Variants in ACYP2 observed in about 807,000 individuals in gnomAD.
ACYP2 encodes the protein acylphosphatase-2.
In ACYP2, 12 loss-of-function variants were observed where a neutral mutation model predicts 11.2. That is an observed-to-expected ratio of 1.08 (90% confidence interval 0.69 to 1.74). The LOEUF is 1.74. Ranked by LOEUF, ACYP2 falls within the 40% of genes most tolerant of loss-of-function variation. The pLI, the probability that ACYP2 is intolerant of heterozygous loss-of-function variation, is 0.00. For missense variants in ACYP2, 134 were observed against 101.9 expected (o/e 1.31, Z -1.35); for synonymous variants, 43 against 32.2 (o/e 1.33, Z -1.13).
At chr2:54,106,847 G>A (rs998343646) in intron 4 of ACYP2, among the ~76,000 whole-genome samples, 16 of 152,120 alleles carry the variant, frequency 1.1e-4, no homozygotes, top group Non-Finnish European at 5.9e-5. Flanking sequence ...GCCTCCCAAA[G>A]TGTTGGGATT....
intron 6 of ACYP2, among the ~76,000 whole-genome samples, chr2:54,176,942 C>G (rs1417465299): frequency 6.6e-6 from 1 of 152,174 alleles, no homozygotes; most frequent in East Asian, 1.9e-4. Flanking sequence ...CTCTGTCAAT[C>G]CAGCTTCCCT....
At chr2:54,106,833 C>T (rs1009786622) in intron 4 of ACYP2, among the ~76,000 whole-genome samples, 3 of 152,162 alleles carry the variant, frequency 2.0e-5, no homozygotes, top group Non-Finnish European at 4.4e-5. Flanking sequence ...TCCGCCCCCC[C>T]TCGGCCTCCC....
intron 6 of ACYP2, among the ~76,000 whole-genome samples, chr2:54,176,713 T>G (rs1209434173): frequency 1.3e-5 from 2 of 152,136 alleles, no homozygotes; most frequent in African/African-American, 2.4e-5. Context: ...GCTTAGTTGC[T>G]CAGTGCCTGG....
At chr2:54,121,865 C>A (rs72906778) in intron 4 of ACYP2, among the ~76,000 whole-genome samples, 4 of 152,098 alleles carry the variant, frequency 2.6e-5, no homozygotes, top group African/African-American at 9.7e-5. Flanking sequence ...TTTCATATCC[C>A]CTACACGGCT....
In ACYP2 at chr2:53,975,874, T is replaced by C. The variant is rs569464704; in HGVS notation, c.62+2064T>C. 2.0e-5 allele frequency among the ~76,000 whole-genome samples: 3 copies of C among 152,244 alleles called. No homozygotes were observed. In the South Asian group the frequency reaches 6.2e-4, roughly 32 times the overall value. On this transcript the variant is annotated intron_variant, in intron 2 of 6. Coordinates refer to ENST00000607452, the MANE Select transcript of ACYP2 (RefSeq NM_001320586.2). ...AGGATGTTATCCTTTTAACCAGACC[T>C]GGAGGGAGACACTGACTTCTTATCA...
intron 6 of ACYP2, among the ~76,000 whole-genome samples, chr2:54,286,595 AAG>A (rs1237687985): frequency 6.6e-6 from 1 of 152,100 alleles, no homozygotes; most frequent in African/African-American, 2.4e-5. Context: ...ATTGGTAGAA[AAG>A]ATGATCCGTT....
intron 6 of ACYP2, among the ~76,000 whole-genome samples, chr2:54,160,740 A>G (rs1417651122): frequency 6.6e-6 from 1 of 152,202 alleles, no homozygotes; most frequent in African/African-American, 2.4e-5. Context: ...TCTGCATATC[A>G]TGTGAATTTG....
chr2:54,063,420 C>T (rs1401245017), intron 4 of ACYP2, among the ~76,000 whole-genome samples: 1 of 152,178 alleles, frequency 6.6e-6, no homozygotes, highest in Non-Finnish European at 1.5e-5. Flanking sequence ...CCATCTTTCT[C>T]GACCCTGCTG....
intron 6 of ACYP2, among the ~76,000 whole-genome samples, chr2:54,241,902 A>G (rs1686745645): frequency 6.6e-6 from 1 of 151,868 alleles, no homozygotes; most frequent in Non-Finnish European, 1.5e-5. Context: ...AATCCCATCT[A>G]CTCCAGAGGC....
In ACYP2 at chr2:54,125,954, G is replaced by A. The variant is rs533841426; in HGVS notation, c.278-9499G>A. Among the ~76,000 whole-genome samples the A allele has an allele frequency of 1.7e-3, 256 of 151,870 alleles. 2 individuals are homozygous for A. The highest frequency in any genetic ancestry group is 5.8e-3 in the African/African-American group (240 of 41,372). On this transcript the variant is annotated intron_variant, in intron 4 of 6. Transcript: ENST00000607452. ...AAATTAGCTGGGCATGGTGGTGCAC[G>A]CCTATAATCCCAGCTACTCGGGAGG... is the stretch of plus-strand genomic sequence containing the variant.
chr2:54,038,423 T>C (rs72906714), intron 2 of ACYP2, among the ~76,000 whole-genome samples: 14,455 of 152,044 alleles, frequency 0.095, 941 homozygotes, highest in African/African-American at 0.18. Context: ...TAAATATATA[T>C]ATGTATGTAT....
At chr2:54,011,626 CT>C (rs1673377394) in intron 2 of ACYP2, among the ~76,000 whole-genome samples, 1 of 152,110 alleles carries the variant, frequency 6.6e-6, no homozygotes, top group Non-Finnish European at 1.5e-5. Flanking sequence ...GGAAAATGGT[CT>C]GTGTCATTTA....
intron 2 of ACYP2, among the ~76,000 whole-genome samples, chr2:54,046,167 CAAAAAAAAAA>C (rs36114622): frequency 5.4e-5 from 3 of 55,844 alleles, no homozygotes; most frequent in Non-Finnish European, 9.6e-5. Context: ...CAGACCCTGT[CAAAAAAAAAA>C]AAAAAAAAAA....
intron 4 of ACYP2, chr2:54,066,066 A>G (rs1370138479): frequency 6.6e-6 from 1 of 151,806 alleles, no homozygotes; most frequent in East Asian, 1.9e-4. Flanking sequence ...ATCCCTCCAT[A>G]CCCCATGTGT....
At chr2:53,992,905 G>GA (rs758842065) in intron 2 of ACYP2, among the ~76,000 whole-genome samples, 109 of 150,920 alleles carry the variant, frequency 7.2e-4, no homozygotes, top group Non-Finnish European at 1.4e-3. Flanking sequence ...ATACGCATCA[G>GA]AAAAAAGGTT....
intron 2 of ACYP2, among the ~76,000 whole-genome samples, chr2:53,988,893 C>T (rs1394865985): frequency 2.0e-5 from 3 of 151,924 alleles, no homozygotes; most frequent in South Asian, 2.1e-4. Context: ...ATTACAGGTG[C>T]GCGCTACCAT....
chr2:54,275,552 A>T (rs1472931205), intron 6 of ACYP2, among the ~76,000 whole-genome samples: 1 of 152,198 alleles, frequency 6.6e-6, no homozygotes, highest in Non-Finnish European at 1.5e-5. Context: ...ATCAGGGAAT[A>T]ATTTAGGAAT....
rs542702932 is a variant in ACYP2 at position 54,047,619 on chromosome 2, G to A, written c.63-3339G>A. On this transcript the variant is annotated intron_variant, in intron 2 of 6. Transcript: ENST00000607452. ...TGGGCTAAGTTAGGAATGAAATGTGGAGGTGAGGCCAAATGGAAGCATATT... is the reference window on the plus strand; with the variant it reads ...TGGGCTAAGTTAGGAATGAAATGTGAAGGTGAGGCCAAATGGAAGCATATT... Among the ~76,000 whole-genome samples the A allele has an allele frequency of 3.3e-5, 5 of 152,280 alleles. No homozygotes were observed. In the East Asian group the frequency reaches 9.6e-4, roughly 29 times the overall value.
chr2:54,221,520 C>CTTTTTT (rs548466074), intron 6 of ACYP2, among the ~76,000 whole-genome samples: 1,700 of 127,222 alleles, frequency 0.013, 58 homozygotes, highest in African/African-American at 0.046. Context: ...GAATAAAATT[C>CTTTTTT]TTTTTTTTTT....
Sources: gnomAD v4.1 joint callset for allele counts (sites outside exome capture counted in the v4.1 genomes callset) on GRCh38, gnomAD v4.1.1 for gene constraint, MANE v1.5 for transcripts, NCBI Gene and HGNC (gene_info 2026-07-23, HGNC 2026-07-21) for gene names.